TMC1: variants seen among roughly 807,000 people sequenced by gnomAD.
TMC1 encodes the protein transmembrane channel like 1.
Under a neutral mutation model 105.8 loss-of-function variants are expected in TMC1, and 84 were observed. The ratio of observed to expected loss-of-function variants is 0.79; its 90% CI spans 0.67 to 0.95. The LOEUF is 0.95. TMC1 is among the 40% of genes least tolerant of loss of function. The pLI is 0.00. For missense variants in TMC1, 817 were observed against 914.1 expected, an observed-to-expected ratio of 0.89 and a Z score of 1.37; for synonymous variants, 315 against 311.5, an observed-to-expected ratio of 1.01 and a Z score of -0.12.
chr9:72,711,074 G>A (rs1360407328), intron 8 of TMC1, among the ~76,000 whole-genome samples: 4 of 152,086 alleles, frequency 2.6e-5, no homozygotes, highest in East Asian at 1.9e-4. Context: ...AGCTTCATCC[G>A]TGTCCCTGCA....
At chr9:72,576,695 G>A (rs1824388033) in intron 1 of TMC1, among the ~76,000 whole-genome samples, 1 of 145,500 alleles carries the variant, frequency 6.9e-6, no homozygotes, top group African/African-American at 2.6e-5. Flanking sequence ...GCACGATCTC[G>A]GCTCACTGCA....
chr9:72,753,286 C>CTTTTTTTTTTTTTTTTTTTTTTTTTTTT (rs5898269), intron 11 of TMC1, among the ~76,000 whole-genome samples: 1 of 81,828 alleles, frequency 1.2e-5, no homozygotes, highest in African/African-American at 5.3e-5. Flanking sequence ...TTAACCCCAG[C>CTTTTTTTTTTTTTTTTTTTTTTTTTTTT]TTTTTTTTTT....
intron 10 of TMC1, 24 bp from the exon 11 acceptor site, chr9:72,751,826 A>G (rs201051103): frequency 1.9e-5 from 29 of 1,513,496 alleles, no homozygotes; most frequent in Non-Finnish European, 2.5e-5. Context: ...TCTCTCTTCA[A>G]ACTTTTTATT....
At chr9:72,787,401 C>G (rs1828184157) in intron 13 of TMC1, among the ~76,000 whole-genome samples, 1 of 152,110 alleles carries the variant, frequency 6.6e-6, no homozygotes, top group Non-Finnish European at 1.5e-5. Context: ...TCTAGAGATA[C>G]CGGTCAACCT....
At chr9:72,742,048 T>C (rs1463103513) in intron 9 of TMC1, among the ~76,000 whole-genome samples, 2 of 152,124 alleles carry the variant, frequency 1.3e-5, no homozygotes, top group Non-Finnish European at 2.9e-5. Flanking sequence ...ATTTTGTTTA[T>C]TATTTTTATT....
At position 72,827,105 on chromosome 9, in the gene TMC1, T is replaced by G. The variant is rs1828969773; in HGVS notation, c.2129+111T>G. The G allele has an allele frequency of 2.1e-6, 3 of 1,425,940 alleles. No individual in the cohort carries two copies. In the South Asian group the frequency reaches 3.5e-5, roughly 16 times the overall value. The allele number at this position is 1,425,940 out of a possible 1,614,324, so 88.3% of individuals were successfully genotyped here. A position where few individuals can be genotyped will look rare whatever the true frequency, so the allele number is the denominator to read the frequency against. ...TCTCCCTAAGGGTTCTGCTGTAACCTATCCAAATTCAACACTGATTACATG... is the reference window on the plus strand; with the variant it reads ...TCTCCCTAAGGGTTCTGCTGTAACCGATCCAAATTCAACACTGATTACATG... On this transcript the variant is annotated intron_variant, in intron 21 of 23. Coordinates refer to ENST00000297784, the MANE Select transcript of TMC1 (RefSeq NM_138691.3).
At chr9:72,718,097 C>T (rs1826954035) in intron 8 of TMC1, among the ~76,000 whole-genome samples, 1 of 152,028 alleles carries the variant, frequency 6.6e-6, no homozygotes, top group Non-Finnish European at 1.5e-5. Context: ...GATTTCTCCC[C>T]TCATATCTTG....
chr9:72,631,897 A>G (rs1259115235), intron 4 of TMC1, among the ~76,000 whole-genome samples: 1 of 152,250 alleles, frequency 6.6e-6, no homozygotes, highest in Non-Finnish European at 1.5e-5. Context: ...CCTAAAGGAA[A>G]AGTCACCAGG....
intron 5 of TMC1, among the ~76,000 whole-genome samples, chr9:72,654,507 T>A (rs1377716882): frequency 1.3e-5 from 2 of 152,078 alleles, no homozygotes; most frequent in South Asian, 4.1e-4. Flanking sequence ...TTGTTGTTGT[T>A]CCATTTTAGT....
At chr9:72,824,474 A>G (rs1420204494) in intron 20 of TMC1, among the ~76,000 whole-genome samples, 1 of 152,190 alleles carries the variant, frequency 6.6e-6, no homozygotes, top group Non-Finnish European at 1.5e-5. Flanking sequence ...GGAGAATTTT[A>G]TTGAGTAATG....
At chr9:72,725,199 G>A (rs1051858966) in intron 8 of TMC1, among the ~76,000 whole-genome samples, 1 of 151,326 alleles carries the variant, frequency 6.6e-6, no homozygotes, top group Non-Finnish European at 1.5e-5. Context: ...TAAGATAAAA[G>A]TAGTTAAACT....
chr9:72,545,010 C>A (rs570361812), intron 1 of TMC1, among the ~76,000 whole-genome samples: 2 of 151,950 alleles, frequency 1.3e-5, no homozygotes. Flanking sequence ...TAGCTTAGCT[C>A]CCACTTACGA....
chr9:72,565,684 C>T (rs1357980856), intron 1 of TMC1, among the ~76,000 whole-genome samples: 1 of 152,192 alleles, frequency 6.6e-6, no homozygotes, highest in East Asian at 1.9e-4. Context: ...ACGGACTCAC[C>T]GTTCCACATG....
intron 19 of TMC1, among the ~76,000 whole-genome samples, chr9:72,816,785 C>A (rs937781978): frequency 6.6e-6 from 1 of 152,080 alleles, no homozygotes; most frequent in African/African-American, 2.4e-5. Context: ...GAAGGGTTGT[C>A]ATATCTTTTA....
intron 12 of TMC1, among the ~76,000 whole-genome samples, chr9:72,764,988 G>C (rs978076005): frequency 1.3e-5 from 2 of 152,128 alleles, no homozygotes; most frequent in Non-Finnish European, 2.9e-5. Flanking sequence ...CTGGACTCTT[G>C]AGAGAGCCCA....
intron 1 of TMC1, among the ~76,000 whole-genome samples, chr9:72,564,937 A>G (rs1230782291): frequency 6.6e-6 from 1 of 152,268 alleles, no homozygotes; most frequent in African/African-American, 2.4e-5. Flanking sequence ...TAAATACAGT[A>G]GTTTTAAAAC....
chr9:72,731,451 T>C (rs1385242168), intron 8 of TMC1, among the ~76,000 whole-genome samples: 1 of 152,066 alleles, frequency 6.6e-6, no homozygotes, highest in African/African-American at 2.4e-5. Context: ...AGGAAGAAAA[T>C]AGGTGTAGGA....
At chr9:72,835,915 G>GTTC in intron 23 of TMC1, 36 bp from the exon 24 acceptor site, 1 of 1,314,682 alleles carries the variant, frequency 7.6e-7, no homozygotes, top group Non-Finnish European at 1.0e-6. Flanking sequence ...CTCTCTCCTT[G>GTTC]TTTTTTTTTT....
At chr9:72,783,911 A>G (rs1828130599) in intron 13 of TMC1, among the ~76,000 whole-genome samples, 1 of 152,230 alleles carries the variant, frequency 6.6e-6, no homozygotes, top group Non-Finnish European at 1.5e-5. Context: ...AAAGACTTAA[A>G]TGTAAAATCG....
Sources: allele counts gnomAD v4.1 joint callset (sites outside exome capture counted in the v4.1 genomes callset), GRCh38; gene constraint gnomAD v4.1.1; transcripts MANE v1.5; gene names NCBI Gene and HGNC (gene_info 2026-07-23, HGNC 2026-07-21).